Variants in DSCAM observed in about 807,000 individuals in gnomAD.
DSCAM encodes DS cell adhesion molecule, also known as cell adhesion molecule DSCAM.
In DSCAM, 47 loss-of-function variants were observed where a neutral mutation model predicts 217.7. That is an observed-to-expected ratio of 0.22 (90% CI 0.17 to 0.28). The LOEUF is 0.28. Among genes scored for constraint, DSCAM ranks in the 10% least tolerant of loss-of-function variants. The pLI, the probability that DSCAM is intolerant of heterozygous loss-of-function variation, is 1.00. For missense variants in DSCAM, 2,080 were observed against 2,618.3 expected (o/e 0.79, Z 4.49); for synonymous variants, 1,056 against 1,015.3 (o/e 1.04, Z -0.76).
At chr21:40,073,798 C>G (rs531192520) in intron 27 of DSCAM, among the ~76,000 whole-genome samples, 1 of 152,146 alleles carries the variant, frequency 6.6e-6, no homozygotes, top group Non-Finnish European at 1.5e-5. Flanking sequence ...TATTAAGCAC[C>G]TAGCATTCAC....
Position 40,656,613 on chromosome 21 carries a change from C to T in DSCAM, c.508+36197G>A, listed in dbSNP as rs779907873. On this transcript the variant is annotated intron_variant, in intron 3 of 32. Transcript: ENST00000400454. Reference sequence around the variant, plus strand: ...GATCATTTTTGTGCCTTCTCCATCACGCTTCTGTGTCACCGTTGCAGAAGC... The same window carrying T: ...GATCATTTTTGTGCCTTCTCCATCATGCTTCTGTGTCACCGTTGCAGAAGC... Among the ~76,000 whole-genome samples, 16 of 152,278 alleles carry T rather than the reference C, an allele frequency of 1.1e-4. 1 individual carries two copies. The highest frequency in any genetic ancestry group is 4.6e-4 in the Admixed American group (7 of 15,298).
At chr21:40,133,532 T>C (rs2090174935) in intron 19 of DSCAM, among the ~76,000 whole-genome samples, 1 of 151,868 alleles carries the variant, frequency 6.6e-6, no homozygotes, top group East Asian at 1.9e-4. Flanking sequence ...TCTAACAAGA[T>C]ACAAAACATG....
chr21:40,545,744 C>T (rs906975667), intron 3 of DSCAM, among the ~76,000 whole-genome samples: 12 of 152,298 alleles, frequency 7.9e-5, no homozygotes, highest in South Asian at 2.1e-4. Flanking sequence ...GCTATGGCTC[C>T]GAGCACCAGC....
chr21:40,164,617 G>A (rs2146766898), intron 16 of DSCAM, among the ~76,000 whole-genome samples: 1 of 152,162 alleles, frequency 6.6e-6, no homozygotes, highest in African/African-American at 2.4e-5. Context: ...GGCCAACATG[G>A]TGAAAACCCC....
chr21:40,775,084 T>G (rs907796372), intron 1 of DSCAM, among the ~76,000 whole-genome samples: 1 of 152,134 alleles, frequency 6.6e-6, no homozygotes, highest in African/African-American at 2.4e-5. Context: ...ACAAATGCCA[T>G]GATCCCAAAA....
At position 40,528,739 on chromosome 21, in the gene DSCAM, G is replaced by C. The variant is rs996228694; in HGVS notation, c.509-159494C>G. 5.3e-5 allele frequency among the ~76,000 whole-genome samples: 8 copies of C among 151,940 alleles called. No homozygotes were observed. In the East Asian group the frequency reaches 1.2e-3, roughly 22 times the overall value. Reference sequence around the variant, plus strand: ...TCCATCTGTCCTTTGTTTTTGCTCAGTTGGCCTCAGTAACTCACCTGCTAA... The same window carrying C: ...TCCATCTGTCCTTTGTTTTTGCTCACTTGGCCTCAGTAACTCACCTGCTAA... On this transcript the variant is annotated intron_variant, in intron 3 of 32. Coordinates refer to ENST00000400454, the MANE Select transcript of DSCAM (RefSeq NM_001389.5).
chr21:40,725,768 GGA>G (rs1397256263), intron 1 of DSCAM, among the ~76,000 whole-genome samples: 1 of 152,138 alleles, frequency 6.6e-6, no homozygotes, highest in Non-Finnish European at 1.5e-5. Flanking sequence ...CTAGGAGTGT[GGA>G]GACCAAGGGC....
chr21:40,767,753 C>T (rs1312606368), intron 1 of DSCAM, among the ~76,000 whole-genome samples: 5 of 152,164 alleles, frequency 3.3e-5, no homozygotes, highest in Admixed American at 2.0e-4. Flanking sequence ...AGCTAATTGA[C>T]GGGATGAATT....
At chr21:40,766,125 C>G (rs1164826855) in intron 1 of DSCAM, among the ~76,000 whole-genome samples, 1 of 152,132 alleles carries the variant, frequency 6.6e-6, no homozygotes, top group Non-Finnish European at 1.5e-5. Flanking sequence ...CCTCTCAGCT[C>G]CGTCAACTAG....
At chr21:40,581,848 CTTTT>C (rs761962676) in intron 3 of DSCAM, among the ~76,000 whole-genome samples, 28 of 151,992 alleles carry the variant, frequency 1.8e-4, no homozygotes, top group Non-Finnish European at 3.2e-4. Context: ...GAATTTCTTT[CTTTT>C]AATTTTTCCT....
chr21:40,064,682 G>A (rs2089179901), intron 27 of DSCAM, among the ~76,000 whole-genome samples: 1 of 152,198 alleles, frequency 6.6e-6, no homozygotes, highest in African/African-American at 2.4e-5. Context: ...AATGGGCAGT[G>A]TGCTCCATGC....
At chr21:40,573,847 A>G (rs1404918160) in intron 3 of DSCAM, among the ~76,000 whole-genome samples, 1 of 152,136 alleles carries the variant, frequency 6.6e-6, no homozygotes, top group East Asian at 1.9e-4. Context: ...GAATATCATA[A>G]ACAACTTTAT....
intron 23 of DSCAM, among the ~76,000 whole-genome samples, chr21:40,084,463 C>T (rs2089504799): frequency 6.8e-6 from 1 of 148,122 alleles, no homozygotes; most frequent in Non-Finnish European, 1.5e-5. Flanking sequence ...AAAAGAATTG[C>T]AAAAATCTTC....
intron 1 of DSCAM, among the ~76,000 whole-genome samples, chr21:40,803,958 C>A (rs2091764442): frequency 6.6e-6 from 1 of 152,142 alleles, no homozygotes; most frequent in Admixed American, 6.5e-5. Flanking sequence ...CTCTAACCTA[C>A]TCAAGCCTCA....
intron 32 of DSCAM, among the ~76,000 whole-genome samples, chr21:40,037,773 A>G (rs1365254625): frequency 1.4e-5 from 2 of 143,330 alleles, no homozygotes; most frequent in South Asian, 2.2e-4. Flanking sequence ...ACTATACTAC[A>G]AGGCTACAGT....
At chr21:40,057,594 T>C (rs1236507627) in intron 28 of DSCAM, among the ~76,000 whole-genome samples, 1 of 152,170 alleles carries the variant, frequency 6.6e-6, no homozygotes, top group African/African-American at 2.4e-5. Flanking sequence ...GTGCAGGCTA[T>C]ACTTAAACAA....
At chr21:40,630,453 C>T (rs1224020016) in intron 3 of DSCAM, among the ~76,000 whole-genome samples, 1 of 152,108 alleles carries the variant, frequency 6.6e-6, no homozygotes, top group Non-Finnish European at 1.5e-5. Flanking sequence ...TGCACGTGAC[C>T]ATGCCCAGCT....
chr21:40,078,889 G>A lies in DSCAM; in HGVS notation c.4509C>T (p.Gly1503=), dbSNP rs1192674108. ...CTAGTGTGAAGGAGGTGATGGGGCA[G>A]CCGCCATCATTCCAGCCAATGAGGT... ...RLNLIGWNDG[G]CPITSFTLEY... The change falls in exon 26 of 33, where the codon GGC becomes GGT. Residue 1503 remains glycine (G), a synonymous_variant. Transcript: ENST00000400454. 4 of 1,614,176 alleles carry A rather than the reference G, an allele frequency of 2.5e-6. No homozygotes were observed. Among genetic ancestry groups the A allele is most frequent in the Non-Finnish European group, 2.5e-6 (3 of 1,180,026 alleles).
At chr21:40,687,683 CA>C (rs1196963402) in intron 3 of DSCAM, among the ~76,000 whole-genome samples, 1 of 152,186 alleles carries the variant, frequency 6.6e-6, no homozygotes, top group Non-Finnish European at 1.5e-5. Flanking sequence ...CTCTAAAATG[CA>C]AAGGTTTTCT....
Sources: gnomAD v4.1 joint callset for allele counts (sites outside exome capture counted in the v4.1 genomes callset) on GRCh38, gnomAD v4.1.1 for gene constraint, MANE v1.5 for transcripts, NCBI Gene and HGNC (gene_info 2026-07-23, HGNC 2026-07-21) for gene names.